NEK7: variants seen among roughly 807,000 people sequenced by gnomAD.
The protein encoded by NEK7 is NIMA related kinase 7, also known as serine/threonine-protein kinase Nek7.
Under a neutral mutation model 44.6 loss-of-function variants are expected in NEK7, and 18 were observed. That is an observed-to-expected ratio of 0.40 (90% CI 0.28 to 0.60). The LOEUF is 0.60. Among genes scored for constraint, NEK7 ranks in the 20% least tolerant of loss-of-function variants. The pLI is 0.38. For missense variants in NEK7, 256 were observed against 366.5 expected (o/e 0.70, Z 2.46); for synonymous variants, 130 against 121.1 (o/e 1.07, Z -0.48).
intron 9 of NEK7, among the ~76,000 whole-genome samples, chr1:198,318,328 C>T (rs148469039): frequency 6.6e-6 from 1 of 152,282 alleles, no homozygotes; most frequent in East Asian, 1.9e-4. Flanking sequence ...CTTCATCTGG[C>T]AGACTCTTTG....
chr1:198,249,740 T>C lies in NEK7; in HGVS notation c.58-3300T>C, dbSNP rs1571571255. On this transcript the variant is annotated intron_variant, in intron 2 of 9. Transcript: ENST00000367385. Reference sequence around the variant, plus strand: ...CCCACTTTTTGATGGGGTTGTTTGTTTTTTTCTTGTAAATTTGTTTGAGTT... The same window carrying C: ...CCCACTTTTTGATGGGGTTGTTTGTCTTTTTCTTGTAAATTTGTTTGAGTT... 2.8e-5 allele frequency among the ~76,000 whole-genome samples: 4 copies of C among 143,714 alleles called. No homozygotes were observed. In the East Asian group the frequency reaches 7.1e-4, roughly 25 times the overall value. 94.3% of individuals were successfully genotyped at this position (143,714 alleles called of 152,430 possible).
intron 1 of NEK7, among the ~76,000 whole-genome samples, chr1:198,186,501 CCTACATAACTAG>C (rs1333210443): frequency 6.6e-6 from 1 of 152,112 alleles, no homozygotes; most frequent in East Asian, 1.9e-4. Flanking sequence ...TACTGGATTG[CCTACATAACTAG>C]CTACAGAAGT....
At chr1:198,264,614 G>A (rs1281245501) in intron 5 of NEK7, among the ~76,000 whole-genome samples, 2 of 151,826 alleles carry the variant, frequency 1.3e-5, no homozygotes, top group South Asian at 2.1e-4. Context: ...CTGTTTCTTG[G>A]GGGGGAATCC....
intron 1 of NEK7, among the ~76,000 whole-genome samples, chr1:198,215,599 A>G (rs1433721647): frequency 6.6e-6 from 1 of 152,186 alleles, no homozygotes. Flanking sequence ...CCTCTTAACT[A>G]AAAGATACAG....
At chr1:198,262,786 A>G (rs1449857159) in intron 4 of NEK7, 149 bp downstream of exon 4, 1 of 406,574 alleles carries the variant, frequency 2.5e-6, no homozygotes, top group Non-Finnish European at 4.4e-6. Context: ...CAGTATACTG[A>G]AGAATGTAGT....
chr1:198,194,299 C>CTT (rs530096391), intron 1 of NEK7, among the ~76,000 whole-genome samples: 1 of 132,128 alleles, frequency 7.6e-6, no homozygotes, highest in Admixed American at 7.3e-5. Context: ...CTTTTTCTTT[C>CTT]TTTTTTTTTT....
intron 7 of NEK7, among the ~76,000 whole-genome samples, chr1:198,282,936 T>A (rs575249645): frequency 7.9e-5 from 12 of 152,208 alleles, no homozygotes; most frequent in African/African-American, 2.6e-4. Context: ...GGATGAATTA[T>A]TAGTGATATG....
chr1:198,294,672 G>A (rs948713339), intron 8 of NEK7, among the ~76,000 whole-genome samples: 13 of 151,974 alleles, frequency 8.6e-5, no homozygotes, highest in Non-Finnish European at 8.8e-5. Context: ...TTTGAGAGAC[G>A]GTGTCCCATT....
intron 7 of NEK7, among the ~76,000 whole-genome samples, chr1:198,290,195 GTCT>G (rs1196339787): frequency 6.6e-6 from 1 of 152,132 alleles, no homozygotes; most frequent in Non-Finnish European, 1.5e-5. Flanking sequence ...ATGTGCTGTA[GTCT>G]TCAAGCTTCT....
chr1:198,207,477 T>C (rs772993838), intron 1 of NEK7, among the ~76,000 whole-genome samples: 15 of 152,122 alleles, frequency 9.9e-5, no homozygotes, highest in African/African-American at 1.7e-4. Context: ...CCCCCCTCAG[T>C]TGGAGAATGA....
chr1:198,197,985 G>A (rs61739576), intron 1 of NEK7: 3 of 1,528,586 alleles, frequency 2.0e-6, no homozygotes, highest in Non-Finnish European at 2.6e-6. Flanking sequence ...CCGAGGATTG[G>A]CATCCTGGAT....
At chr1:198,159,779 A>G (rs939773750) in intron 1 of NEK7, among the ~76,000 whole-genome samples, 2 of 152,198 alleles carry the variant, frequency 1.3e-5, no homozygotes, top group African/African-American at 4.8e-5. Context: ...GAAAGCACAT[A>G]TGGTATGATG....
chr1:198,231,378 G>A (rs552166030), intron 1 of NEK7, among the ~76,000 whole-genome samples: 1 of 143,014 alleles, frequency 7.0e-6, no homozygotes, highest in Non-Finnish European at 1.5e-5. Flanking sequence ...GATGACCATA[G>A]CAGCAGTGCA....
chr1:198,180,878 G>GA (rs962451886), intron 1 of NEK7, among the ~76,000 whole-genome samples: 1 of 151,950 alleles, frequency 6.6e-6, no homozygotes, highest in Non-Finnish European at 1.5e-5. Flanking sequence ...TTTCTAATAG[G>GA]AAAAACTGTC....
Position 198,231,068 on chromosome 1 carries a change from C to T in NEK7, c.-28-1485C>T, listed in dbSNP as rs565414779. Among the ~76,000 whole-genome samples the T allele has an allele frequency of 1.7e-4, 26 of 151,218 alleles. No individual in the cohort carries two copies. The East Asian group carries it at 5.0e-3, about 29-fold the overall frequency. ...AAATAGGCTGATCGATTTTACAATT[C>T]GTATTAAAATCAGACACGTAATTAA... On this transcript the variant is annotated intron_variant, in intron 1 of 9. Transcript: ENST00000367385.
intron 1 of NEK7, among the ~76,000 whole-genome samples, chr1:198,218,005 C>T (rs1387042289): frequency 2.6e-5 from 4 of 151,840 alleles, no homozygotes; most frequent in Admixed American, 1.3e-4. Flanking sequence ...GACCATACTG[C>T]CTAAAGCAAT....
intron 9 of NEK7, among the ~76,000 whole-genome samples, chr1:198,308,951 T>C (rs1370259178): frequency 6.6e-6 from 1 of 152,206 alleles, no homozygotes; most frequent in Non-Finnish European, 1.5e-5. Flanking sequence ...ATTCATTCTT[T>C]CATTCATTCA....
intron 1 of NEK7, among the ~76,000 whole-genome samples, chr1:198,177,868 A>G (rs1203789941): frequency 2.6e-5 from 4 of 152,038 alleles, no homozygotes; most frequent in African/African-American, 4.8e-5. Context: ...ATAAGAAAAG[A>G]TATGTTTGTT....
intron 8 of NEK7, among the ~76,000 whole-genome samples, chr1:198,293,987 T>C (rs1654635247): frequency 1.3e-5 from 2 of 151,928 alleles, no homozygotes; most frequent in South Asian, 4.1e-4. Context: ...AAATATATGA[T>C]GAAATCATCT....
Sources: gnomAD v4.1 joint callset for allele counts (sites outside exome capture counted in the v4.1 genomes callset) on GRCh38, gnomAD v4.1.1 for gene constraint, MANE v1.5 for transcripts, NCBI Gene and HGNC (gene_info 2026-07-23, HGNC 2026-07-21) for gene names.